The following FANCA variants were observed in gnomAD, a reference collection of about 807,000 sequenced individuals.
The protein encoded by FANCA is FA complementation group A.
A neutral mutation model predicts 194.3 loss-of-function variants in FANCA; 236 were observed. The observed-to-expected ratio is 1.21, with a 90% CI of 1.09 to 1.35. The LOEUF is 1.35. Among genes scored for constraint, FANCA ranks in the 40% most tolerant of loss-of-function variants. The probability of loss-of-function intolerance (pLI) is 0.00; values close to 1 mark genes in which losing one functional copy is unlikely to be tolerated. For missense variants in FANCA, 2,628 were observed against 1,813.9 expected, an observed-to-expected ratio of 1.45 and a Z score of -8.15; for synonymous variants, 1,014 against 715.8, an observed-to-expected ratio of 1.42 and a Z score of -6.65.
intron 17 of FANCA, 126 bp downstream of exon 17, chr16:89,782,733 C>A: frequency 4.9e-6 from 4 of 810,394 alleles, no homozygotes; most frequent in South Asian, 4.3e-5. Context: ...CCCCCAGCTG[C>A]GCCCGAGGCA....
In FANCA at chr16:89,764,945, A is replaced by C; in HGVS notation, c.2723T>G (p.Leu908Arg). The C allele has an allele frequency of 6.2e-7, 1 of 1,614,194 alleles. No homozygotes were observed. Among genetic ancestry groups the C allele is most frequent in the South Asian group, 1.1e-5 (1 of 91,082 alleles). Reference protein sequence around the residue: ...LPSADWQRAALSLWTHRTFRE... With the variant: ...LPSADWQRAARSLWTHRTFRE... ...GAAGGTTCTGTGTGTCCAGAGAGAG[A>C]GGGCAGCTCTCTGCCAGTCTGCAGA... Residue 908 changes from leucine (L) to arginine (R), a missense_variant, in exon 28 of 43, where the codon CTC becomes CGC. Leu to Arg is a moderately radical substitution (Grantham distance 102, BLOSUM62 -2). Coordinates refer to ENST00000389301, the MANE Select transcript of FANCA (RefSeq NM_000135.4).
In FANCA at chr16:89,738,693, C is replaced by T; in HGVS notation, c.4276G>A (p.Gly1426Arg). ...GCGCTCACCTCTGGGTCGCAGTCCC[C>T]ACGATCAGCCAGCAGCTGTGAGAGA... is the stretch of plus-strand genomic sequence containing the variant. ...SHVAELLADR[G>R]DCDPEVSAAL... The change falls in exon 43 of 43, where the codon GGG becomes AGG. Residue 1426 changes from glycine (G) to arginine (R), a missense_variant. Gly to Arg is a moderately radical substitution (Grantham distance 125). Transcript: ENST00000389301. The T allele has an allele frequency of 1.2e-6, 2 of 1,613,936 alleles. No homozygotes were observed. Among genetic ancestry groups the T allele is most frequent in the Non-Finnish European group, 1.7e-6 (2 of 1,180,000 alleles).
At chr16:89,771,850 C>A (rs772020869) in intron 22 of FANCA, 36 bp from the exon 23 acceptor site, 46 of 1,612,382 alleles carry the variant, frequency 2.9e-5, no homozygotes, top group Non-Finnish European at 3.7e-5. Flanking sequence ...ATGACAAGAA[C>A]CCCGAAAGGA....
intron 39 of FANCA, 114 bp downstream of exon 39, chr16:89,739,880 G>A: frequency 1.3e-6 from 2 of 1,558,374 alleles, no homozygotes; most frequent in Non-Finnish European, 1.7e-6. Context: ...CTAAAATGGA[G>A]CTTATAAACT....
At chr16:89,777,614 G>A (rs1190510268) in intron 20 of FANCA, among the ~76,000 whole-genome samples, 1 of 151,618 alleles carries the variant, frequency 6.6e-6, no homozygotes, top group African/African-American at 2.4e-5. Flanking sequence ...CTTCTTACAG[G>A]TCCCAGAACT....
At chr16:89,753,440 T>C (rs2038665929) in intron 30 of FANCA, among the ~76,000 whole-genome samples, 1 of 152,058 alleles carries the variant, frequency 6.6e-6, no homozygotes, top group African/African-American at 2.4e-5. Flanking sequence ...CCACCGACCC[T>C]CCGGGGCTGG....
intron 20 of FANCA, among the ~76,000 whole-genome samples, chr16:89,777,801 G>C (rs1005734716): frequency 5.9e-5 from 9 of 152,030 alleles, no homozygotes; most frequent in Non-Finnish European, 8.8e-5. Flanking sequence ...CTTTCCCAGA[G>C]CTCTTTCATT....
intron 14 of FANCA, among the ~76,000 whole-genome samples, chr16:89,790,562 C>CT (rs2040036146): frequency 6.6e-6 from 1 of 151,924 alleles, no homozygotes. Flanking sequence ...AACCCCGTCT[C>CT]TACTAAAAAT....
At chr16:89,806,063 C>T (rs182570907) in intron 6 of FANCA, among the ~76,000 whole-genome samples, 23 of 152,326 alleles carry the variant, frequency 1.5e-4, no homozygotes, top group Middle Eastern at 3.4e-3. Context: ...CAGGCACCTG[C>T]CACCTTGCCC....
chr16:89,739,377 G>C (rs1448233441), intron 40 of FANCA, 88 bp from the exon 41 acceptor site: 1 of 1,589,870 alleles, frequency 6.3e-7, no homozygotes, highest in Non-Finnish European at 8.6e-7. Context: ...CTGTGGAGCA[G>C]AGGCACAGAC....
At chr16:89,772,557 C>A (rs368392517) in intron 22 of FANCA, among the ~76,000 whole-genome samples, 1 of 151,900 alleles carries the variant, frequency 6.6e-6, no homozygotes, top group Non-Finnish European at 1.5e-5. Flanking sequence ...GTGGCTCACA[C>A]TGAAATCCCA....
At chr16:89,739,813 A>C in intron 39 of FANCA, 181 bp downstream of exon 39, 1 of 1,465,736 alleles carries the variant, frequency 6.8e-7, no homozygotes, top group Non-Finnish European at 9.0e-7. Flanking sequence ...GGGGTTGACC[A>C]GTGAGCCAGT....
intron 33 of FANCA, among the ~76,000 whole-genome samples, chr16:89,748,114 G>C (rs1259919405): frequency 6.6e-6 from 1 of 152,152 alleles, no homozygotes; most frequent in Admixed American, 6.5e-5. Context: ...GTTTTGTCAT[G>C]TTGCCCAGGC....
chr16:89,784,201 AAAAAAAAG>A (rs961294528), intron 15 of FANCA, among the ~76,000 whole-genome samples: 1 of 151,646 alleles, frequency 6.6e-6, no homozygotes, highest in East Asian at 1.9e-4. Flanking sequence ...CATCTGTACT[AAAAAAAAG>A]AAAAAAAGAA....
At position 89,803,269 on chromosome 16, in the gene FANCA, T is replaced by G. The variant is rs1191646005; in HGVS notation, c.782A>C (p.Lys261Thr). ...SDLRRTVEPE[K>T]MPQVTVDVLQ... is the part of the protein sequence containing the mutation. ...GACTTTTCCTCCTACCTGCGGCATT[T>G]TTTCAGGCTCCACAGTTCTTCTCAG... The change falls in exon 8 of 43, where the codon AAA becomes ACA. Residue 261 changes from lysine to threonine, a missense_variant. Transcript: ENST00000389301. 6.2e-7 allele frequency: 1 copy of G among 1,614,204 alleles called. No individual in the cohort carries two copies. The highest frequency in any genetic ancestry group is 8.5e-7 in the Non-Finnish European group (1 of 1,180,028).
At chr16:89,780,478 G>C (rs1190788395) in intron 17 of FANCA, among the ~76,000 whole-genome samples, 1 of 151,990 alleles carries the variant, frequency 6.6e-6, no homozygotes, top group African/African-American at 2.4e-5. Context: ...AAAAACATTA[G>C]CCAGGTGTAG....
Position 89,738,618 on chromosome 16 carries a change from C to A in FANCA, c.4351G>T (p.Glu1451Ter). 1 of 1,613,496 alleles carries A rather than the reference C, an allele frequency of 6.2e-7. No individual in the cohort carries two copies. The highest frequency in any genetic ancestry group is 8.5e-7 in the Non-Finnish European group (1 of 1,180,014). ...AGGTCCCGTCAGAAGAGATGAGGCT[C>A]CTGGGACAGGTCAGCGTCAGGGGCA... ...QAAPDADLSQEPHLF is the reference protein window; with the variant it reads ...QAAPDADLSQ Residue 1451 changes from glutamate to a stop codon, truncating the protein, a stop_gained, in exon 43 of 43, where the codon GAG (glutamate) becomes TAG (stop). Coordinates refer to ENST00000389301, the MANE Select transcript of FANCA (RefSeq NM_000135.4). LOFTEE classifies it high-confidence loss of function.
chr16:89,816,640 G>T lies in FANCA; in HGVS notation c.-25C>A, dbSNP rs562773671. On this transcript the variant is annotated 5_prime_UTR_variant, in exon 1 of 43. Coordinates refer to ENST00000389301, the MANE Select transcript of FANCA (RefSeq NM_000135.4). ...TGGCCTTGGCGCCTACAGCCCCGGC[G>T]GCGGCTCCCTGCGCCCGAGCCCGCG... 9.0e-5 allele frequency: 137 copies of T among 1,515,652 alleles called. No homozygotes were observed. In the African/African-American group the frequency reaches 1.7e-3, roughly 19 times the overall value. 93.9% of individuals were successfully genotyped at this position (1,515,652 alleles called of 1,614,324 possible). A position where few individuals can be genotyped will look rare whatever the true frequency, so the allele number is the denominator to read the frequency against.
intron 20 of FANCA, among the ~76,000 whole-genome samples, chr16:89,776,987 G>C (rs1288160052): frequency 1.3e-5 from 2 of 152,160 alleles, no homozygotes; most frequent in Non-Finnish European, 2.9e-5. Context: ...TGAAGCAGGA[G>C]GATTATTTGA....
Sources: gnomAD v4.1 joint callset for allele counts (sites outside exome capture counted in the v4.1 genomes callset) on GRCh38, gnomAD v4.1.1 for gene constraint, MANE v1.5 for transcripts, NCBI Gene and HGNC (gene_info 2026-07-23, HGNC 2026-07-21) for gene names.